The following MYO10 variants were observed in gnomAD, a reference collection of about 807,000 sequenced individuals.
MYO10 encodes myosin X, also known as unconventional myosin-X.
MYO10 carries 133 observed loss-of-function variants against 257.3 expected under a neutral mutation model. That is an observed-to-expected ratio of 0.52 (90% CI 0.45 to 0.60). The LOEUF is 0.60. MYO10 is among the 20% of genes least tolerant of loss of function. The probability of loss-of-function intolerance (pLI) is 0.00; values close to 1 mark genes in which losing one functional copy is unlikely to be tolerated. For synonymous variants in MYO10, 1,104 were observed against 1,028.6 expected (o/e 1.07, Z -1.40); for missense variants, 2,399 against 2,635.7 (o/e 0.91, Z 1.97).
chr5:16,728,210 T>C (rs934722671), intron 19 of MYO10, among the ~76,000 whole-genome samples: 2 of 152,196 alleles, frequency 1.3e-5, no homozygotes, highest in East Asian at 1.9e-4. Flanking sequence ...TCTCTCTCAA[T>C]GGCCCTGCGT....
intron 19 of MYO10, among the ~76,000 whole-genome samples, chr5:16,732,359 C>T (rs1739617389): frequency 6.6e-6 from 1 of 152,186 alleles, no homozygotes; most frequent in Non-Finnish European, 1.5e-5. Context: ...GAAATCCTCA[C>T]AGGGTAGCCT....
rs148217508 is a variant in MYO10, at chr5:16,698,277, G to A, written c.3556+1173C>T. Among the ~76,000 whole-genome samples, 3 of 152,132 alleles carry A rather than the reference G, an allele frequency of 2.0e-5. No homozygotes were observed. The East Asian group carries it at 5.8e-4, about 30-fold the overall frequency. Reference sequence around the variant, plus strand: ...CCTATGAAGGCTGCGGCAGGAAGATGGCTTGAACCTGAGTTCAAGGCTGCA... The same window carrying A: ...CCTATGAAGGCTGCGGCAGGAAGATAGCTTGAACCTGAGTTCAAGGCTGCA... On this transcript the variant is annotated intron_variant, in intron 26 of 40. Transcript: ENST00000513610.
chr5:16,699,663 C>CA, intron 25 of MYO10, 90 bp from the exon 26 acceptor site: 1 of 1,536,602 alleles, frequency 6.5e-7, no homozygotes, highest in Non-Finnish European at 8.9e-7. Context: ...TGAAAAAATA[C>CA]AAAAATACAG....
chr5:16,771,996 A>G (rs1741064907), intron 9 of MYO10, among the ~76,000 whole-genome samples: 1 of 152,054 alleles, frequency 6.6e-6, no homozygotes, highest in South Asian at 2.1e-4. Context: ...GTTTCAAGGA[A>G]AATTTCAAGA....
At chr5:16,741,833 T>C (rs913623889) in intron 19 of MYO10, 1 of 985,336 alleles carries the variant, frequency 1.0e-6, no homozygotes, top group African/African-American at 1.7e-5. Context: ...CTTCAGTTTC[T>C]GTCCACTGTA....
intron 5 of MYO10, 90 bp downstream of exon 5, chr5:16,783,245 G>A (rs1386792964): frequency 2.5e-5 from 32 of 1,295,110 alleles, no homozygotes; most frequent in Non-Finnish European, 3.0e-5. Flanking sequence ...AAAGAGAAAC[G>A]CGACCAACTA....
At position 16,799,327 on chromosome 5, in the gene MYO10, T is replaced by G. The variant is rs186814603; in HGVS notation, c.280-4494A>C. On this transcript the variant is annotated intron_variant, in intron 3 of 40. Transcript: ENST00000513610. Reference sequence around the variant, plus strand: ...CGCAACATCCAAAATGGTCTCATGCTTGACTTTTTACAGTAATTCACACCA... The same window carrying G: ...CGCAACATCCAAAATGGTCTCATGCGTGACTTTTTACAGTAATTCACACCA... Among the ~76,000 whole-genome samples the G allele has an allele frequency of 5.3e-5, 8 of 152,114 alleles. No individual in the cohort carries two copies. The East Asian group carries it at 1.5e-3, about 29-fold the overall frequency.
intron 19 of MYO10, among the ~76,000 whole-genome samples, chr5:16,736,458 T>C (rs996547812): frequency 1.6e-4 from 24 of 152,112 alleles, no homozygotes; most frequent in African/African-American, 5.8e-4. Context: ...TTTTCAGAGG[T>C]TGTACACCTC....
chr5:16,820,929 CATCTT>C (rs1033403605), intron 2 of MYO10, among the ~76,000 whole-genome samples: 4 of 147,154 alleles, frequency 2.7e-5, no homozygotes, highest in East Asian at 2.0e-4. Context: ...ATATATAAAA[CATCTT>C]ATATATTATA....
chr5:16,745,725 G>A (rs571516260), intron 19 of MYO10, among the ~76,000 whole-genome samples: 1 of 152,084 alleles, frequency 6.6e-6, no homozygotes, highest in Non-Finnish European at 1.5e-5. Flanking sequence ...AATTAAAAAA[G>A]CACCTGGCTA....
At chr5:16,774,024 T>C (rs1387118079) in intron 9 of MYO10, among the ~76,000 whole-genome samples, 1 of 152,216 alleles carries the variant, frequency 6.6e-6, no homozygotes, top group Non-Finnish European at 1.5e-5. Flanking sequence ...TACTCTCCTA[T>C]TTACAATCTT....
chr5:16,762,128 A>T lies in MYO10; in HGVS notation c.1588-15T>A, dbSNP rs1740731127. 6.7e-7 allele frequency: 1 copy of T among 1,483,862 alleles called. No individual in the cohort carries two copies. Among genetic ancestry groups the T allele is most frequent in the Non-Finnish European group, 8.9e-7 (1 of 1,123,412 alleles). The allele number at this position is 1,483,862 out of a possible 1,614,324, so 91.9% of individuals were successfully genotyped here. On this transcript the variant is annotated splice_polypyrimidine_tract_variant and intron_variant, in intron 15 of 40. Coordinates refer to ENST00000513610, the MANE Select transcript of MYO10 (RefSeq NM_012334.3). ...AAGTGGTTATTCTAAAAAAAAAAAA[A>T]AAAAAAAAAAAAAAAATACAATGCC...
chr5:16,865,811 G>GATAATAATAATA (rs5866211), intron 2 of MYO10, among the ~76,000 whole-genome samples: 11,235 of 142,482 alleles, frequency 0.079, 576 homozygotes, highest in South Asian at 0.16. Context: ...ACTCCGTCTC[G>GATAATAATAATA]ATAATAATAA....
chr5:16,774,069 T>TATAATA (rs1381816683), intron 9 of MYO10, among the ~76,000 whole-genome samples: 1 of 152,192 alleles, frequency 6.6e-6, no homozygotes, highest in African/African-American at 2.4e-5. Flanking sequence ...TTGACAAGAG[T>TATAATA]AGCCACTTCA....
intron 16 of MYO10, among the ~76,000 whole-genome samples, chr5:16,761,748 C>A (rs1740719746): frequency 6.6e-6 from 1 of 152,110 alleles, no homozygotes; most frequent in Middle Eastern, 3.2e-3. Flanking sequence ...TTCCTATGCC[C>A]AAGCAATCCT....
At chr5:16,910,675 C>T (rs1561054568) in intron 1 of MYO10, among the ~76,000 whole-genome samples, 1 of 152,194 alleles carries the variant, frequency 6.6e-6, no homozygotes, top group Non-Finnish European at 1.5e-5. Flanking sequence ...ATTTCATTCC[C>T]TAGCGACCCT....
At chr5:16,766,260 C>T (rs374507651) in intron 10 of MYO10, 62 bp from the exon 11 acceptor site, 14 of 1,276,680 alleles carry the variant, frequency 1.1e-5, no homozygotes, top group African/African-American at 1.5e-5. Flanking sequence ...CCAGGCTTAG[C>T]GATACCTTAA....
rs1736009960 is a variant in MYO10 at position 16,662,256 on chromosome 5, T to C, written c.*4436A>G. ...TAGCAGATTTTTGACCCCAATTTAG[T>C]GTGCTATCTGAATAAAAGGCTTAGT... On this transcript the variant is annotated 3_prime_UTR_variant, in exon 41 of 41. Transcript: ENST00000513610. 1 of 150,850 alleles carries C rather than the reference T, an allele frequency of 6.6e-6. No individual in the cohort carries two copies. The highest frequency in any genetic ancestry group is 2.4e-5 in the African/African-American group (1 of 41,064). 9.3% of individuals were successfully genotyped at this position (150,850 alleles called of 1,614,324 possible).
chr5:16,666,762 T>G lies in MYO10; in HGVS notation c.6107A>C (p.Tyr2036Ser). The change falls in exon 41 of 41, where the codon TAC (tyrosine) becomes TCC (serine). Residue 2036 changes from tyrosine (Y) to serine (S), a missense_variant. This residue lies in a region of MYO10 where 1,820 missense variants were observed against 1,939.4 expected (regional missense o/e 0.94). Transcript: ENST00000513610. The part of the protein sequence containing the change: ...VVDVAKLMKA[Y>S]ISMIVKKRYS... ...GCGCTTCTTCACGATCATGCTGATGTAGGCTTTCATGAGCTTGGCCACATC... is the reference window on the plus strand; with the variant it reads ...GCGCTTCTTCACGATCATGCTGATGGAGGCTTTCATGAGCTTGGCCACATC... 1 of 1,607,242 alleles carries G rather than the reference T, an allele frequency of 6.2e-7. No individual in the cohort carries two copies. Among genetic ancestry groups the G allele is most frequent in the Non-Finnish European group, 8.5e-7 (1 of 1,178,070 alleles).
Sources: gnomAD v4.1 joint callset for allele counts (sites outside exome capture counted in the v4.1 genomes callset) on GRCh38, gnomAD v4.1.1 for gene constraint, gnomAD v4.1.1 regional missense constraint, MANE v1.5 for transcripts, NCBI Gene and HGNC (gene_info 2026-07-23, HGNC 2026-07-21) for gene names.